The following DMGDH variants were observed in gnomAD, a reference collection of about 807,000 sequenced individuals.
DMGDH encodes the protein dimethylglycine dehydrogenase, mitochondrial.
In DMGDH, 76 loss-of-function variants were observed where a neutral mutation model predicts 95.2. The ratio of observed to expected loss-of-function variants is 0.80; its 90% CI spans 0.66 to 0.97. DMGDH has a LOEUF of 0.97. DMGDH is among the 50% of genes least tolerant of loss of function. The probability of loss-of-function intolerance (pLI) is 0.00; values close to 1 mark genes in which losing one functional copy is unlikely to be tolerated. For synonymous variants in DMGDH, 345 were observed against 377.6 expected (o/e 0.91, Z 1.00); for missense variants, 987 against 1,055.0 (o/e 0.94, Z 0.89).
rs913804405 is a variant in DMGDH at position 78,998,053 on chromosome 5, T to C, written c.*29A>G. ...TTTCAAGGACAGTCATTAGCAACTCTAATTCAGTTGACTGCTGAAGGTCTT... is the reference window on the plus strand; with the variant it reads ...TTTCAAGGACAGTCATTAGCAACTCCAATTCAGTTGACTGCTGAAGGTCTT... On this transcript the variant is annotated 3_prime_UTR_variant, in exon 16 of 16. Transcript: ENST00000255189. 2 of 1,610,110 alleles carry C rather than the reference T, an allele frequency of 1.2e-6. No homozygotes were observed. The highest frequency in any genetic ancestry group is 1.7e-6 in the Non-Finnish European group (2 of 1,176,280).
At chr5:79,038,609 A>G (rs1238608655) in intron 7 of DMGDH, among the ~76,000 whole-genome samples, 1 of 152,242 alleles carries the variant, frequency 6.6e-6, no homozygotes, top group Admixed American at 6.5e-5. Flanking sequence ...ATGCTGTGGT[A>G]TAATAAAAAT....
Position 79,042,320 on chromosome 5 carries a change from G to A in DMGDH, c.1156C>T (p.Gln386Ter). ...PDILPMVGPH[Q>*]GVRNYWVAIG... The stretch of plus-strand genomic sequence containing the variant: ...GCCACCCAGTAGTTTCTGACCCCCT[G>A]ATGGGGCCCCACCATAGGCAGAATG... Residue 386 changes from glutamine to a stop codon, truncating the protein, a stop_gained, in exon 7 of 16, where the codon CAG becomes TAG. Coordinates refer to ENST00000255189, the MANE Select transcript of DMGDH (RefSeq NM_013391.3). LOFTEE classifies it high-confidence loss of function. 3 of 1,614,192 alleles carry A rather than the reference G, an allele frequency of 1.9e-6. No homozygotes were observed. In the South Asian group the frequency reaches 3.3e-5, roughly 18 times the overall value.
intron 1 of DMGDH, among the ~76,000 whole-genome samples, chr5:79,065,331 C>A (rs1755342509): frequency 6.6e-6 from 1 of 151,566 alleles, no homozygotes; most frequent in Non-Finnish European, 1.5e-5. Context: ...TGTGCCTTAG[C>A]CTCCCGAGTA....
chr5:79,016,152 C>T (rs1195354460), intron 14 of DMGDH, among the ~76,000 whole-genome samples: 1 of 151,506 alleles, frequency 6.6e-6, no homozygotes, highest in Non-Finnish European at 1.5e-5. Context: ...GCAGGAGAAT[C>T]GCTTGAACCC....
intron 4 of DMGDH, among the ~76,000 whole-genome samples, chr5:79,052,603 G>A (rs1754902773): frequency 6.6e-6 from 1 of 152,152 alleles, no homozygotes; most frequent in Non-Finnish European, 1.5e-5. Flanking sequence ...ACATCTGTTT[G>A]GTTTGGTACC....
In DMGDH at chr5:79,044,491, T is replaced by G. The variant is rs1208461185; in HGVS notation, c.807A>C (p.Gln269His). ...TAGTCGATGTAACAACATATTGATG[T>G]TGAACCGGAATGAGAGGATGTTCTA... ...IGLEHPLIPVQHQYVVTSTIS... is the reference protein window; with the variant it reads ...IGLEHPLIPVHHQYVVTSTIS... The change falls in exon 6 of 16, where the codon CAA becomes CAC. Residue 269 changes from glutamine (Q) to histidine (H), a missense_variant. Coordinates refer to ENST00000255189, the MANE Select transcript of DMGDH (RefSeq NM_013391.3). 1 of 1,614,078 alleles carries G rather than the reference T, an allele frequency of 6.2e-7. No individual in the cohort carries two copies. The highest frequency in any genetic ancestry group is 1.7e-5 in the Admixed American group (1 of 60,000).
chr5:79,026,457 G>T lies in DMGDH; in HGVS notation c.2157C>A (p.Arg719=), dbSNP rs756464069. The change falls in exon 13 of 16, where the codon CGC becomes CGA. Residue 719 remains arginine (R), a synonymous_variant. Transcript: ENST00000255189. ...CCCAGGCTCTGAAGGCTTTCTCCAGGCGTAAGGCATTCATGGCATAGGTTC... is the reference window on the plus strand; with the variant it reads ...CCCAGGCTCTGAAGGCTTTCTCCAGTCGTAAGGCATTCATGGCATAGGTTC... ...NFGTYAMNAL[R]LEKAFRAWGL... The T allele has an allele frequency of 2.5e-6, 4 of 1,613,950 alleles. No homozygotes were observed. The highest frequency in any genetic ancestry group is 1.1e-5 in the South Asian group (1 of 91,082).
At chr5:79,031,370 C>T (rs1035028592) in intron 9 of DMGDH, among the ~76,000 whole-genome samples, 2 of 152,186 alleles carry the variant, frequency 1.3e-5, no homozygotes, top group African/African-American at 4.8e-5. Context: ...TAAAATGGCC[C>T]TAATTAAATC....
chr5:78,998,590 C>T (rs376177348), intron 15 of DMGDH, among the ~76,000 whole-genome samples: 34 of 152,182 alleles, frequency 2.2e-4, no homozygotes, highest in African/African-American at 7.7e-4. Context: ...TGGCTCGTGC[C>T]TGTAATCCCA....
chr5:79,063,358 C>T, intron 2 of DMGDH, among the ~76,000 whole-genome samples: 1 of 152,182 alleles, frequency 6.6e-6, no homozygotes, highest in East Asian at 1.9e-4. Context: ...ACTTATGTAA[C>T]TTGCCAAAAG....
intron 4 of DMGDH, among the ~76,000 whole-genome samples, chr5:79,052,863 C>A (rs140752584): frequency 9.9e-5 from 15 of 152,254 alleles, no homozygotes; most frequent in Admixed American, 2.6e-4. Context: ...TGTGAAGACT[C>A]GCAAAGGCAA....
intron 14 of DMGDH, among the ~76,000 whole-genome samples, chr5:79,016,353 T>C (rs1373659053): frequency 6.6e-6 from 1 of 152,128 alleles, no homozygotes; most frequent in Non-Finnish European, 1.5e-5. Context: ...TGATGGAATC[T>C]ACAAAAATGC....
intron 4 of DMGDH, among the ~76,000 whole-genome samples, chr5:79,053,839 A>G (rs897714545): frequency 1.1e-4 from 16 of 152,236 alleles, no homozygotes; most frequent in Admixed American, 5.9e-4. Context: ...CAGTCTTTCT[A>G]GACATTTATC....
chr5:79,063,808 A>C lies in DMGDH; in HGVS notation c.102-21T>G, dbSNP rs147147455. On this transcript the variant is annotated intron_variant, in intron 1 of 15. Coordinates refer to ENST00000255189, the MANE Select transcript of DMGDH (RefSeq NM_013391.3). ...CCTCTCTGGAAGAGGGAAAGTTAAA[A>C]TGGGAACTTCAATCGGCAATGGTAG... is the stretch of plus-strand genomic sequence containing the variant. 4.8e-4 allele frequency: 781 copies of C among 1,613,676 alleles called. 2 individuals are homozygous for C. In the African/African-American group the frequency reaches 7.0e-3, roughly 14 times the overall value.
intron 1 of DMGDH, 79 bp from the exon 2 acceptor site, chr5:79,063,866 C>CA (rs1755288311): frequency 7.1e-7 from 1 of 1,417,640 alleles, no homozygotes; most frequent in African/African-American, 1.4e-5. Flanking sequence ...TTCCCCTTAC[C>CA]CGTTTCTCTA....
intron 15 of DMGDH, among the ~76,000 whole-genome samples, chr5:79,003,628 T>G (rs1034388484): frequency 1.4e-4 from 22 of 152,104 alleles, no homozygotes. Context: ...CACCTGATAC[T>G]CAGATGCACA....
rs1753388066 is a variant in DMGDH, at chr5:78,997,974, A to AT, written c.*107dup. 8.3e-7 allele frequency: 1 copy of AT among 1,199,382 alleles called. No individual in the cohort carries two copies. Among genetic ancestry groups the AT allele is most frequent in the Non-Finnish European group, 1.2e-6 (1 of 827,184 alleles). 74.3% of individuals were successfully genotyped at this position (1,199,382 alleles called of 1,614,324 possible). The stretch of plus-strand genomic sequence containing the variant: ...AAGATTCTAAATTTAGACTTTGATG[A>AT]TTTTGAAATGAATTCCTGGTTTCCT... On this transcript the variant is annotated 3_prime_UTR_variant, in exon 16 of 16. Coordinates refer to ENST00000255189, the MANE Select transcript of DMGDH (RefSeq NM_013391.3).
At chr5:79,025,016 G>T (rs1388654243) in intron 13 of DMGDH, among the ~76,000 whole-genome samples, 6 of 152,204 alleles carry the variant, frequency 3.9e-5, no homozygotes, top group African/African-American at 1.4e-4. Flanking sequence ...AAGTACGCTT[G>T]TTTTATATGA....
Position 79,068,117 on chromosome 5 carries a change from C to A in DMGDH, c.101+1403G>T, listed in dbSNP as rs554450401. Reference sequence around the variant, plus strand: ...ATTTTTATTAGAGACAGAGTTTCACCATGTTGATCAGGCTGGTCTCAAACT... The same window carrying A: ...ATTTTTATTAGAGACAGAGTTTCACAATGTTGATCAGGCTGGTCTCAAACT... On this transcript the variant is annotated intron_variant, in intron 1 of 15. Transcript: ENST00000255189. 7.2e-5 allele frequency among the ~76,000 whole-genome samples: 11 copies of A among 152,206 alleles called. No individual in the cohort carries two copies. The East Asian group carries it at 2.1e-3, about 29-fold the overall frequency.
Sources: gnomAD v4.1 joint callset for allele counts (sites outside exome capture counted in the v4.1 genomes callset) on GRCh38, gnomAD v4.1.1 for gene constraint, MANE v1.5 for transcripts, NCBI Gene and HGNC (gene_info 2026-07-23, HGNC 2026-07-21) for gene names.